NPR3: variants seen among roughly 807,000 people sequenced by gnomAD.
The protein encoded by NPR3 is natriuretic peptide receptor 3, also known as atrial natriuretic peptide receptor 3.
In NPR3, 34 loss-of-function variants were observed where a neutral mutation model predicts 54.5. That is an observed-to-expected ratio of 0.62 (90% CI 0.47 to 0.83). The LOEUF (loss-of-function observed/expected upper bound fraction) is 0.83. NPR3 is among the 40% of genes least tolerant of loss of function. NPR3 has a pLI of 0.00. For missense variants in NPR3, 674 were observed against 720.8 expected, an observed-to-expected ratio of 0.94 and a Z score of 0.74; for synonymous variants, 289 against 297.1, an observed-to-expected ratio of 0.97 and a Z score of 0.28.
Position 32,789,102 on chromosome 5 carries a change from G to A in NPR3, c.*2757G>A, listed in dbSNP as rs894189109. 4 of 184,798 alleles carry A rather than the reference G, an allele frequency of 2.2e-5. No homozygotes were observed. The highest frequency in any genetic ancestry group is 5.4e-5 in the Admixed American group (1 of 18,668). The allele number at this position is 184,798 out of a possible 1,614,324, so 11.4% of individuals were successfully genotyped here. A position where few individuals can be genotyped will look rare whatever the true frequency, so the allele number is the denominator to read the frequency against. On this transcript the variant is annotated 3_prime_UTR_variant, in exon 8 of 8. Coordinates refer to ENST00000265074, the MANE Select transcript of NPR3 (RefSeq NM_001204375.2). ...AAATAAATAGGGCTTTAGTTCTTAA[G>A]TAATTCTATAGGATTTTACCCTGAA...
chr5:32,770,879 T>C (rs1481827063), intron 3 of NPR3, among the ~76,000 whole-genome samples: 1 of 152,244 alleles, frequency 6.6e-6, no homozygotes. Context: ...CCCAGTTGTT[T>C]ACCTGTGATA....
rs1392006836 is a variant in NPR3 at position 32,712,439 on chromosome 5, C to G, written c.663C>G (p.His221Gln). 2.5e-6 allele frequency: 4 copies of G among 1,611,792 alleles called. No individual in the cohort carries two copies. The African/African-American group carries it at 4.0e-5, about 16-fold the overall frequency. Residue 221 changes from histidine to glutamine, a missense_variant, in exon 1 of 8, where the codon CAC becomes CAG. Physicochemically the swap from His to Gln is conservative, Grantham distance 24. Transcript: ENST00000265074. ...GCTACTTCACCCTCGAGGGGGTCCA[C>G]GAGGTCTTCCAGGAGGAGGGTTTGC... ...RNCYFTLEGVHEVFQEEGLHT... is the reference protein window; with the variant it reads ...RNCYFTLEGVQEVFQEEGLHT...
intron 2 of NPR3, among the ~76,000 whole-genome samples, chr5:32,735,775 T>C (rs1405998549): frequency 2.6e-5 from 4 of 152,208 alleles, no homozygotes; most frequent in Non-Finnish European, 5.9e-5. Flanking sequence ...TCTGCTTTCC[T>C]AATGCTCAAC....
intron 3 of NPR3, among the ~76,000 whole-genome samples, chr5:32,764,919 C>T (rs1741373967): frequency 6.7e-6 from 1 of 149,624 alleles, no homozygotes; most frequent in African/African-American, 2.5e-5. Context: ...AATAATTCTA[C>T]TAATCACACC....
chr5:32,710,858 G>GTTTTTTTTTTT, upstream of NPR3: 1 of 1,047,790 alleles, frequency 9.5e-7, no homozygotes, highest in Non-Finnish European at 1.2e-6. Flanking sequence ...CCCCAGTCCT[G>GTTTTTTTTTTT]GTTTTTTTTT....
chr5:32,786,322 A>C lies in NPR3; in HGVS notation c.1603A>C (p.Arg535=), dbSNP rs1174497315. 1 of 1,563,876 alleles carries C rather than the reference A, an allele frequency of 6.4e-7. No individual in the cohort carries two copies. Among genetic ancestry groups the C allele is most frequent in the Non-Finnish European group, 8.8e-7 (1 of 1,140,966 alleles). Residue 535 remains arginine, a synonymous_variant, in exon 8 of 8, where the codon AGA becomes CGA. Coordinates refer to ENST00000265074, the MANE Select transcript of NPR3 (RefSeq NM_001204375.2). ...TCGGGAATTACGGGAAGATTCCATCAGATCCCATTTTTCAGTAGCTTAAAG... is the reference window on the plus strand; with the variant it reads ...TCGGGAATTACGGGAAGATTCCATCCGATCCCATTTTTCAGTAGCTTAAAG... ...KHRELREDSI[R]SHFSVA
In NPR3 at chr5:32,711,505, A is replaced by G; in HGVS notation, c.-272A>G. The G allele has an allele frequency of 8.6e-7, 1 of 1,164,786 alleles. No homozygotes were observed. 72.2% of individuals were successfully genotyped at this position (1,164,786 alleles called of 1,614,324 possible). On this transcript the variant is annotated 5_prime_UTR_variant, in exon 1 of 8. In the 5' UTR this introduces an upstream ATG that the reference lacks. Coordinates refer to ENST00000265074, the MANE Select transcript of NPR3 (RefSeq NM_001204375.2). The stretch of plus-strand genomic sequence containing the variant: ...ACGGAGGGCGAATATATACAAGTAT[A>G]TATATATGTATATTACAGACGCACA...
intron 1 of NPR3, among the ~76,000 whole-genome samples, chr5:32,722,698 C>T (rs557805254): frequency 6.6e-6 from 1 of 152,306 alleles, no homozygotes; most frequent in East Asian, 1.9e-4. Flanking sequence ...CTTGTCCAGC[C>T]TCAGTCCCTT....
At chr5:32,710,598 G>C (rs919195133), upstream of NPR3, 1 of 1,398,406 alleles carries the variant, frequency 7.2e-7, no homozygotes, top group African/African-American at 1.5e-5. Flanking sequence ...GGAGGGGGCT[G>C]GCGCGGGGCT....
intron 3 of NPR3, among the ~76,000 whole-genome samples, chr5:32,765,034 G>C (rs957375423): frequency 6.6e-6 from 1 of 152,028 alleles, no homozygotes; most frequent in Non-Finnish European, 1.5e-5. Context: ...TTATAGCAAA[G>C]TTGATAGAAA....
intron 1 of NPR3, among the ~76,000 whole-genome samples, chr5:32,714,505 CTTT>C (rs11295246): frequency 7.1e-6 from 1 of 140,438 alleles, no homozygotes; most frequent in African/African-American, 2.6e-5. Flanking sequence ...AGTCTCTTTG[CTTT>C]TTTTTTTTTT....
chr5:32,778,758 C>T (rs902307769), intron 4 of NPR3, among the ~76,000 whole-genome samples: 5 of 152,158 alleles, frequency 3.3e-5, no homozygotes, highest in African/African-American at 9.7e-5. Context: ...AGGATTCTTA[C>T]CCCATTTCTT....
At chr5:32,721,620 G>A (rs549600927) in intron 1 of NPR3, among the ~76,000 whole-genome samples, 5 of 152,296 alleles carry the variant, frequency 3.3e-5, no homozygotes, top group South Asian at 2.1e-4. Context: ...ACTCTTGTCC[G>A]GGTGACAGAG....
At chr5:32,741,808 T>C (rs1205718478) in intron 3 of NPR3, among the ~76,000 whole-genome samples, 1 of 151,788 alleles carries the variant, frequency 6.6e-6, no homozygotes, top group Non-Finnish European at 1.5e-5. Flanking sequence ...TGTGTTGCTC[T>C]GGCTGCTCCT....
intron 2 of NPR3, among the ~76,000 whole-genome samples, chr5:32,733,386 A>G (rs954257216): frequency 5.3e-5 from 8 of 152,298 alleles, no homozygotes; most frequent in Admixed American, 5.2e-4. Flanking sequence ...AAAGAAGATA[A>G]TATATATTGC....
chr5:32,789,331 C>T lies in NPR3; in HGVS notation c.*2986C>T, dbSNP rs1742788394. The T allele has an allele frequency of 2.3e-6, 1 of 438,854 alleles. No homozygotes were observed. Among genetic ancestry groups the T allele is most frequent in the Non-Finnish European group, 4.6e-6 (1 of 218,670 alleles). 27.2% of individuals were successfully genotyped at this position (438,854 alleles called of 1,614,324 possible). On this transcript the variant is annotated 3_prime_UTR_variant, in exon 8 of 8. Coordinates refer to ENST00000265074, the MANE Select transcript of NPR3 (RefSeq NM_001204375.2). ...GAGACTCAGAAATAAAAGCGTTCCC[C>T]AGATAACTTCAATCTGGAAAGAATT...
intron 1 of NPR3, chr5:32,713,579 G>C: frequency 1.5e-6 from 1 of 671,460 alleles, no homozygotes; most frequent in Non-Finnish European, 1.8e-6. Context: ...AATGTGAGTG[G>C]TGCAATCCCG....
At chr5:32,767,136 G>A (rs1032057168) in intron 3 of NPR3, among the ~76,000 whole-genome samples, 2 of 152,178 alleles carry the variant, frequency 1.3e-5, no homozygotes, top group African/African-American at 4.8e-5. Context: ...CTCACTTGTA[G>A]AGCCACCCAA....
intron 2 of NPR3, among the ~76,000 whole-genome samples, chr5:32,726,084 G>A (rs1425941105): frequency 4.6e-5 from 7 of 152,150 alleles, no homozygotes; most frequent in Non-Finnish European, 8.8e-5. Context: ...TTTCTCAAAC[G>A]CTGCATGCTG....
Sources: allele counts gnomAD v4.1 joint callset (sites outside exome capture counted in the v4.1 genomes callset), GRCh38; gene constraint gnomAD v4.1.1; transcripts MANE v1.5; gene names NCBI Gene and HGNC (gene_info 2026-07-23, HGNC 2026-07-21).